Variants in HYCC1 observed in about 807,000 individuals in gnomAD.
HYCC1 encodes hyccin PI4KA lipid kinase complex subunit 1, also known as hyccin.
chr7:22,992,658 T>C, the HYCC1 span, among the ~76,000 whole-genome samples: 1 of 152,160 alleles, frequency 6.6e-6, no homozygotes, highest in Admixed American at 6.5e-5. Context: ...TCTGCCTGTA[T>C]CTACTTTTTT....
chr7:22,995,633 A>G, the HYCC1 span, among the ~76,000 whole-genome samples: 1 of 144,952 alleles, frequency 6.9e-6, no homozygotes, highest in African/African-American at 2.6e-5. Flanking sequence ...TAAAATAAAC[A>G]TACATGAGGC....
the HYCC1 span, among the ~76,000 whole-genome samples, chr7:22,990,052 C>A: frequency 6.6e-6 from 1 of 152,150 alleles, no homozygotes; most frequent in Admixed American, 6.6e-5. Context: ...AGAGAAGCAG[C>A]CTTGATTTTC....
the HYCC1 span, among the ~76,000 whole-genome samples, chr7:22,969,318 TTGTGTG>T: frequency 8.1e-5 from 12 of 148,492 alleles, no homozygotes; most frequent in Middle Eastern, 0.01. Context: ...CCTGTTTATT[TTGTGTG>T]TGTGTGTGTG....
chr7:22,988,835 G>GT, the HYCC1 span, among the ~76,000 whole-genome samples: 46 of 152,196 alleles, frequency 3.0e-4, no homozygotes, highest in Non-Finnish European at 5.3e-4. Context: ...ATCTACCAAT[G>GT]TAACTACTCT....
the HYCC1 span, among the ~76,000 whole-genome samples, chr7:22,981,847 T>C: frequency 3.9e-5 from 6 of 152,224 alleles, no homozygotes; most frequent in Non-Finnish European, 5.9e-5. Flanking sequence ...GTATTTCAGA[T>C]ACACATATTT....
At chr7:22,930,847 T>C in the HYCC1 span, among the ~76,000 whole-genome samples, 1 of 152,128 alleles carries the variant, frequency 6.6e-6, no homozygotes, top group African/African-American at 2.4e-5. Context: ...AATAAATTAA[T>C]GTGCTACCCC....
chr7:23,006,308 C>A, the HYCC1 span, among the ~76,000 whole-genome samples: 1 of 151,986 alleles, frequency 6.6e-6, no homozygotes. Flanking sequence ...GCTCTGTGGC[C>A]CAGGCTGGAG....
At chr7:22,910,870 C>A in the HYCC1 span, among the ~76,000 whole-genome samples, 1 of 88,442 alleles carries the variant, frequency 1.1e-5, no homozygotes, top group Non-Finnish European at 2.6e-5. Flanking sequence ...GAAATATGTT[C>A]ACTCAAAAAA....
chr7:22,958,649 T>A, the HYCC1 span, among the ~76,000 whole-genome samples: 5 of 152,136 alleles, frequency 3.3e-5, no homozygotes, highest in Admixed American at 3.3e-4. Flanking sequence ...ATTTTTTTCC[T>A]ATAAAATATG....
At chr7:22,981,058 C>A in the HYCC1 span, among the ~76,000 whole-genome samples, 29 of 152,208 alleles carry the variant, frequency 1.9e-4, no homozygotes, top group Admixed American at 1.9e-3. Context: ...CAATCGCCAA[C>A]TTCCTCAGTC....
chr7:22,988,883 C>T, the HYCC1 span, among the ~76,000 whole-genome samples: 1 of 152,158 alleles, frequency 6.6e-6, no homozygotes, highest in Non-Finnish European at 1.5e-5. Context: ...AGCCCTTCAC[C>T]CCAACCACCT....
chr7:22,921,645 A>G, the HYCC1 span, among the ~76,000 whole-genome samples: 1 of 152,190 alleles, frequency 6.6e-6, no homozygotes, highest in Non-Finnish European at 1.5e-5. Context: ...GGCTCCCCAC[A>G]CCCATGTGTC....
the HYCC1 span, among the ~76,000 whole-genome samples, chr7:22,950,496 A>G: frequency 6.6e-6 from 1 of 152,002 alleles, no homozygotes; most frequent in Non-Finnish European, 1.5e-5. Flanking sequence ...AATTATTAGA[A>G]TAAATAAAAG....
chr7:22,989,504 C>T, the HYCC1 span, among the ~76,000 whole-genome samples: 6 of 147,868 alleles, frequency 4.1e-5, no homozygotes, highest in Admixed American at 4.2e-4. Context: ...TGCACCAACA[C>T]GCCCAGCTAA....
the HYCC1 span, among the ~76,000 whole-genome samples, chr7:22,904,479 T>C: frequency 2.6e-5 from 4 of 151,290 alleles, no homozygotes; most frequent in African/African-American, 9.7e-5. Context: ...ATGTCTTTGG[T>C]AACCCATAGC....
the HYCC1 span, among the ~76,000 whole-genome samples, chr7:22,896,513 G>C: frequency 6.6e-6 from 1 of 152,146 alleles, no homozygotes; most frequent in African/African-American, 2.4e-5. Flanking sequence ...GCATAGCCCA[G>C]AAAGAAACAA....
chr7:22,975,019 T>C, the HYCC1 span, among the ~76,000 whole-genome samples: 2 of 152,208 alleles, frequency 1.3e-5, no homozygotes, highest in African/African-American at 4.8e-5. Flanking sequence ...CCACTAAACA[T>C]CTTTTCCTTT....
At chr7:22,962,314 G>A in the HYCC1 span, among the ~76,000 whole-genome samples, 1 of 152,228 alleles carries the variant, frequency 6.6e-6, no homozygotes, top group Admixed American at 6.5e-5. Flanking sequence ...ATACAAGTGG[G>A]AGCCTGTATC....
At chr7:22,963,431 G>A in the HYCC1 span, among the ~76,000 whole-genome samples, 1 of 152,106 alleles carries the variant, frequency 6.6e-6, no homozygotes, top group Admixed American at 6.5e-5. Flanking sequence ...GCCTTCAGTG[G>A]TCTCCTTTCT....
Sources: allele counts gnomAD v4.1 joint callset (sites outside exome capture counted in the v4.1 genomes callset), GRCh38; gene constraint gnomAD v4.1.1; transcripts MANE v1.5; gene names NCBI Gene and HGNC (gene_info 2026-07-23, HGNC 2026-07-21).